Variants in ADAM10 observed in about 807,000 individuals in gnomAD.
The protein encoded by ADAM10 is disintegrin and metalloproteinase domain-containing protein 10.
ADAM10 carries 17 observed loss-of-function variants against 90.1 expected under a neutral mutation model. The observed-to-expected ratio is 0.19, with a 90% confidence interval of 0.13 to 0.28. The LOEUF (loss-of-function observed/expected upper bound fraction) is 0.28, where lower values mean the gene tolerates loss of function less well. Ranked by LOEUF, ADAM10 falls within the 10% of genes least tolerant of loss-of-function variation. ADAM10 has a pLI of 1.00. For missense variants in ADAM10, 610 were observed against 914.3 expected, an observed-to-expected ratio of 0.67 and a Z score of 4.29; for synonymous variants, 310 against 298.6, an observed-to-expected ratio of 1.04 and a Z score of -0.40.
In ADAM10 at chr15:58,717,612, G is replaced by C; in HGVS notation, c.171C>G (p.Asp57Glu). 6.2e-7 allele frequency: 1 copy of C among 1,613,778 alleles called. No individual in the cohort carries two copies. ...CATGGAAATCTAGACGTAAAAATTG[G>C]TCTTCATGTGAGACTGCTCTTTTGG... ...QRAKRAVSHE[D>E]QFLRLDFHAH... The change falls in exon 2 of 16, where the codon GAC (aspartate) becomes GAG (glutamate). Residue 57 changes from aspartate to glutamate, a missense_variant. By Grantham distance (45) the Asp-to-Glu change is conservative. Transcript: ENST00000260408.
chr15:58,644,664 C>T (rs1896504596), intron 6 of ADAM10, among the ~76,000 whole-genome samples: 1 of 152,320 alleles, frequency 6.6e-6, no homozygotes, highest in South Asian at 2.1e-4. Flanking sequence ...AGACTCAGCT[C>T]AAACATTTTT....
intron 1 of ADAM10, among the ~76,000 whole-genome samples, chr15:58,719,139 C>T (rs1183609980): frequency 6.6e-6 from 1 of 152,144 alleles, no homozygotes; most frequent in South Asian, 2.1e-4. Flanking sequence ...GCCTGACCAA[C>T]ATGGTGAAAC....
chr15:58,665,053 T>C (rs779184976), intron 5 of ADAM10, 44 bp downstream of exon 5: 2 of 1,379,590 alleles, frequency 1.4e-6, no homozygotes, highest in Non-Finnish European at 2.1e-6. Flanking sequence ...CATCCTCAAA[T>C]TCATTTCCAT....
chr15:58,728,408 G>A (rs879179085), intron 1 of ADAM10, among the ~76,000 whole-genome samples: 1 of 151,960 alleles, frequency 6.6e-6, no homozygotes, highest in Admixed American at 6.6e-5. Flanking sequence ...TTTATTGTAT[G>A]TAAACTATAC....
At chr15:58,656,665 T>C (rs1432817412) in intron 5 of ADAM10, among the ~76,000 whole-genome samples, 1 of 152,096 alleles carries the variant, frequency 6.6e-6, no homozygotes, top group Non-Finnish European at 1.5e-5. Context: ...TATTGTAGTG[T>C]CTATATCCTG....
intron 4 of ADAM10, among the ~76,000 whole-genome samples, chr15:58,673,961 C>T (rs1897257562): frequency 6.6e-6 from 1 of 152,032 alleles, no homozygotes; most frequent in Admixed American, 6.6e-5. Flanking sequence ...TCTTGATCTC[C>T]TGACCTCGTG....
rs1895091992 is a variant in ADAM10 at position 58,600,981 on chromosome 15, C to CTAATGCTAATTTTAGCATTAATGAGAG, written c.2026-1284_2026-1258dup. ...CAGTGTTTATATAATTAAAGTAATA[C>CTAATGCTAATTTTAGCATTAATGAGAG]TAATGCTAATTTTAGCATTAATGAG... On this transcript the variant is annotated intron_variant, in intron 14 of 15. Coordinates refer to ENST00000260408, the MANE Select transcript of ADAM10 (RefSeq NM_001110.4). Among the ~76,000 whole-genome samples the CTAATGCTAATTTTAGCATTAATGAGAG allele has an allele frequency of 2.0e-5, 3 of 152,092 alleles. No homozygotes were observed. The South Asian group carries it at 6.2e-4, about 32-fold the overall frequency.
chr15:58,687,613 G>T lies in ADAM10; in HGVS notation c.207-5299C>A, dbSNP rs540723758. 3.6e-4 allele frequency among the ~76,000 whole-genome samples: 54 copies of T among 149,400 alleles called. 2 individuals carry two copies. Among genetic ancestry groups the T allele is most frequent in the African/African-American group, 1.1e-3 (46 of 40,704 alleles). ...AAAAAAGGCTCAAAAGGGTCAAGCT[G>T]ATCCACAAGTTACTCAACTATCTAA... On this transcript the variant is annotated intron_variant, in intron 2 of 15. Transcript: ENST00000260408.
chr15:58,692,024 G>A, intron 2 of ADAM10: 1 of 463,286 alleles, frequency 2.2e-6, no homozygotes, highest in South Asian at 1.5e-5. Flanking sequence ...ATTTTGCTCT[G>A]CTGGAGCATT....
intron 1 of ADAM10, among the ~76,000 whole-genome samples, chr15:58,736,538 T>C (rs537125842): frequency 6.6e-6 from 1 of 152,274 alleles, no homozygotes; most frequent in South Asian, 2.1e-4. Flanking sequence ...AGAATGTCCT[T>C]ACTTTTATGA....
At chr15:58,688,997 G>T (rs1403934941) in intron 2 of ADAM10, among the ~76,000 whole-genome samples, 1 of 148,488 alleles carries the variant, frequency 6.7e-6, no homozygotes, top group Non-Finnish European at 1.5e-5. Context: ...TTGATAAAAT[G>T]ATAAAAAACT....
At chr15:58,666,393 CAA>C (rs1251889137) in intron 4 of ADAM10, among the ~76,000 whole-genome samples, 2 of 151,628 alleles carry the variant, frequency 1.3e-5, no homozygotes, top group Admixed American at 1.3e-4. Context: ...CAGTCTCATT[CAA>C]AAGTCATGAT....
chr15:58,743,917 T>A (rs1186743182), intron 1 of ADAM10, among the ~76,000 whole-genome samples: 1 of 152,218 alleles, frequency 6.6e-6, no homozygotes, highest in East Asian at 1.9e-4. Flanking sequence ...CAACACTTTT[T>A]CTTAATTCAC....
intron 7 of ADAM10, among the ~76,000 whole-genome samples, chr15:58,642,190 G>A (rs1353752780): frequency 2.0e-5 from 3 of 152,152 alleles, no homozygotes; most frequent in East Asian, 1.9e-4. Context: ...TGTAAGGCCC[G>A]TCACAGTGGC....
At chr15:58,734,086 C>T (rs1899350258) in intron 1 of ADAM10, among the ~76,000 whole-genome samples, 1 of 152,018 alleles carries the variant, frequency 6.6e-6, no homozygotes, top group African/African-American at 2.4e-5. Flanking sequence ...ACTATATATC[C>T]TATTTTATTT....
intron 4 of ADAM10, among the ~76,000 whole-genome samples, chr15:58,675,505 A>T (rs1395205456): frequency 6.6e-6 from 1 of 152,170 alleles, no homozygotes; most frequent in Non-Finnish European, 1.5e-5. Flanking sequence ...TGTTTTTCTC[A>T]GTTTCTTTAA....
intron 1 of ADAM10, among the ~76,000 whole-genome samples, chr15:58,739,542 A>C (rs947088070): frequency 5.3e-5 from 8 of 151,894 alleles, no homozygotes; most frequent in African/African-American, 1.9e-4. Flanking sequence ...TAAATAAATA[A>C]ATATTTTCAA....
At position 58,627,675 on chromosome 15, in the gene ADAM10, C is replaced by T. The variant is rs183376175; in HGVS notation, c.1360+25G>A. On this transcript the variant is annotated intron_variant, in intron 10 of 15. Coordinates refer to ENST00000260408, the MANE Select transcript of ADAM10 (RefSeq NM_001110.4). ...TCTGAATGTTTGAAAATGTTCATAA[C>T]AAAACGTTAGGAAAATATACATACC... 32 of 1,602,968 alleles carry T rather than the reference C, an allele frequency of 2.0e-5. No individual in the cohort carries two copies. In the East Asian group the frequency reaches 6.9e-4, roughly 35 times the overall value.
intron 15 of ADAM10, 35 bp downstream of exon 15, chr15:58,599,563 T>C (rs1261219847): frequency 1.6e-5 from 25 of 1,607,638 alleles, no homozygotes; most frequent in South Asian, 1.1e-4. Flanking sequence ...CAATTCTGAG[T>C]TACATAAATA....
Sources: allele counts gnomAD v4.1 joint callset (sites outside exome capture counted in the v4.1 genomes callset), GRCh38; gene constraint gnomAD v4.1.1; transcripts MANE v1.5; gene names NCBI Gene and HGNC (gene_info 2026-07-23, HGNC 2026-07-21).